FBXO11: variants seen among roughly 807,000 people sequenced by gnomAD.
The protein encoded by FBXO11 is F-box protein 11.
FBXO11 carries 13 observed loss-of-function variants against 117.0 expected under a neutral mutation model. The ratio of observed to expected loss-of-function variants is 0.11; its 90% CI spans 0.07 to 0.18. The LOEUF (loss-of-function observed/expected upper bound fraction) is 0.18, where lower values mean the gene tolerates loss of function less well. FBXO11 is among the 10% of genes least tolerant of loss of function. The probability of loss-of-function intolerance (pLI) is 1.00; values close to 1 mark genes in which losing one functional copy is unlikely to be tolerated. For missense variants in FBXO11, 767 were observed against 1,164.4 expected (o/e 0.66, Z 4.97); for synonymous variants, 490 against 380.5 (o/e 1.29, Z -3.35).
At chr2:47,809,404 G>A (rs1670457381) in intron 20 of FBXO11, 138 bp from the exon 21 acceptor site, 1 of 687,300 alleles carries the variant, frequency 1.5e-6, no homozygotes. Flanking sequence ...GTAATTGTAA[G>A]AAATCAGCTA....
At chr2:47,843,214 A>C (rs963248892) in intron 1 of FBXO11, among the ~76,000 whole-genome samples, 1 of 152,250 alleles carries the variant, frequency 6.6e-6, no homozygotes, top group East Asian at 1.9e-4. Flanking sequence ...TATATTAATA[A>C]TATGACCAGT....
chr2:47,894,412 T>G (rs552627341), intron 1 of FBXO11, among the ~76,000 whole-genome samples: 99 of 152,268 alleles, frequency 6.5e-4, no homozygotes, highest in African/African-American at 2.3e-3. Flanking sequence ...GTTAAAGAGA[T>G]AAACTTTAAA....
chr2:47,827,955 C>G (rs1475764279), intron 11 of FBXO11, among the ~76,000 whole-genome samples: 1 of 151,908 alleles, frequency 6.6e-6, no homozygotes, highest in Non-Finnish European at 1.5e-5. Flanking sequence ...CCTCAGCCTC[C>G]CAAAGTGCTG....
At chr2:47,855,172 G>T (rs1051956138) in intron 1 of FBXO11, among the ~76,000 whole-genome samples, 2 of 151,766 alleles carry the variant, frequency 1.3e-5, no homozygotes, top group East Asian at 1.9e-4. Flanking sequence ...TTAAAAATTT[G>T]GGGGAAAATG....
Position 47,906,112 on chromosome 2 carries a change from G to C in FBXO11, c.-392C>G, listed in dbSNP as rs1640558666. Reference sequence around the variant, plus strand: ...GGCTGAAGAGACAGATCCCGGTCCCGCCGACTCGCGAGCGGCGTCTCCGGC... The same window carrying C: ...GGCTGAAGAGACAGATCCCGGTCCCCCCGACTCGCGAGCGGCGTCTCCGGC... On this transcript the variant is annotated 5_prime_UTR_variant, in exon 1 of 23. Transcript: ENST00000403359. 1.5e-5 allele frequency: 3 copies of C among 204,776 alleles called. No homozygotes were observed. Among genetic ancestry groups the C allele is most frequent in the African/African-American group, 4.7e-5 (2 of 42,774 alleles). 12.7% of individuals were successfully genotyped at this position (204,776 alleles called of 1,614,324 possible). A position where few individuals can be genotyped will look rare whatever the true frequency, so the allele number is the denominator to read the frequency against.
intron 1 of FBXO11, among the ~76,000 whole-genome samples, chr2:47,902,802 A>G (rs1678396270): frequency 6.6e-6 from 1 of 152,148 alleles, no homozygotes; most frequent in Non-Finnish European, 1.5e-5. Context: ...AGTTTGTCTC[A>G]AAACAGCGAG....
chr2:47,821,643 G>C (rs1393258071), intron 13 of FBXO11, among the ~76,000 whole-genome samples: 1 of 151,520 alleles, frequency 6.6e-6, no homozygotes, highest in African/African-American at 2.4e-5. Context: ...AATTGAGCCG[G>C]GCATGGTAGC....
intron 1 of FBXO11, among the ~76,000 whole-genome samples, chr2:47,866,643 T>G (rs1178041804): frequency 4.6e-5 from 7 of 151,908 alleles, no homozygotes; most frequent in Admixed American, 4.6e-4. Flanking sequence ...CCAGCTAATG[T>G]TTATATTTTT....
chr2:47,820,294 G>T, intron 14 of FBXO11, 68 bp downstream of exon 14: 2 of 1,240,722 alleles, frequency 1.6e-6, no homozygotes, highest in Non-Finnish European at 2.3e-6. Flanking sequence ...CTAAAAGCTT[G>T]AGGAGAAACC....
chr2:47,900,892 A>ATACACACACACGTGTATATATATACACG (rs1678187480), intron 1 of FBXO11, among the ~76,000 whole-genome samples: 2 of 143,490 alleles, frequency 1.4e-5, no homozygotes, highest in African/African-American at 2.6e-5. Context: ...ATATACACGT[A>ATACACACACACGTGTATATATATACACG]TATATACACA....
chr2:47,814,138 T>C (rs972968134), intron 16 of FBXO11: 40 of 327,306 alleles, frequency 1.2e-4, no homozygotes, highest in Non-Finnish European at 2.2e-4. Flanking sequence ...TCCCCTCATA[T>C]GTAAAATGAA....
intron 14 of FBXO11, among the ~76,000 whole-genome samples, chr2:47,819,566 T>C (rs1371324281): frequency 2.0e-5 from 3 of 152,212 alleles, no homozygotes; most frequent in Non-Finnish European, 2.9e-5. Context: ...AAAAATTTTA[T>C]ACTGTTCTTT....
intron 5 of FBXO11, 37 bp from the exon 6 acceptor site, chr2:47,834,908 T>C (rs373633951): frequency 7.1e-7 from 1 of 1,416,386 alleles, no homozygotes; most frequent in East Asian, 2.3e-5. Context: ...CATTGACTAC[T>C]AACATAAACC....
chr2:47,865,074 G>C (rs1005075386), intron 1 of FBXO11, among the ~76,000 whole-genome samples: 5 of 152,178 alleles, frequency 3.3e-5, no homozygotes, highest in Non-Finnish European at 7.3e-5. Context: ...TAACAGAGTT[G>C]TGTTAATTGT....
In FBXO11 at chr2:47,818,766, T is replaced by C; in HGVS notation, c.2006+13A>G. The C allele has an allele frequency of 1.3e-6, 2 of 1,561,662 alleles. No homozygotes were observed. The highest frequency in any genetic ancestry group is 1.4e-5 in the African/African-American group (1 of 72,168). ...CTCCCTCCCAAAAGATAGCCAAATA[T>C]GAAAACATTTACCTTATCTGAACCC... is the stretch of plus-strand genomic sequence containing the variant. On this transcript the variant is annotated intron_variant, in intron 16 of 22. Coordinates refer to ENST00000403359, the MANE Select transcript of FBXO11 (RefSeq NM_001190274.2).
rs377450064 is a variant in FBXO11 at position 47,818,518 on chromosome 2, T to C, written c.2006+261A>G. The C allele has an allele frequency of 2.9e-4, 99 of 344,808 alleles. 3 individuals carry two copies. In the South Asian group the frequency reaches 8.0e-3, roughly 28 times the overall value. The allele number at this position is 344,808 out of a possible 1,614,324, so 21.4% of individuals were successfully genotyped here. On this transcript the variant is annotated intron_variant, in intron 16 of 22. Coordinates refer to ENST00000403359, the MANE Select transcript of FBXO11 (RefSeq NM_001190274.2). The stretch of plus-strand genomic sequence containing the variant: ...CACTCTCCAAGTATGAAGGATCATA[T>C]TGGCAGCTGATGTGACTCTCATAGT...
intron 1 of FBXO11, among the ~76,000 whole-genome samples, chr2:47,877,165 C>T (rs1337982077): frequency 6.6e-6 from 1 of 151,884 alleles, no homozygotes; most frequent in Non-Finnish European, 1.5e-5. Context: ...TAGCATGGGA[C>T]CACAGGTGTG....
chr2:47,854,742 C>CA (rs2103683324), intron 1 of FBXO11, among the ~76,000 whole-genome samples: 1 of 152,200 alleles, frequency 6.6e-6, no homozygotes, highest in Non-Finnish European at 1.5e-5. Flanking sequence ...GCAGTGCTAA[C>CA]ACGTTCCCAA....
intron 1 of FBXO11, among the ~76,000 whole-genome samples, chr2:47,841,462 T>C (rs559116275): frequency 1.3e-5 from 2 of 152,286 alleles, no homozygotes; most frequent in South Asian, 4.1e-4. Context: ...ATATATCTCC[T>C]ATACCACTAC....
Sources: allele counts gnomAD v4.1 joint callset (sites outside exome capture counted in the v4.1 genomes callset), GRCh38; gene constraint gnomAD v4.1.1; transcripts MANE v1.5; gene names NCBI Gene and HGNC (gene_info 2026-07-23, HGNC 2026-07-21).